The following SAFB variants were observed in gnomAD, a reference collection of about 807,000 sequenced individuals.
SAFB encodes scaffold attachment factor B, also known as scaffold attachment factor B1.
SAFB carries 15 observed loss-of-function variants against 101.6 expected under a neutral mutation model. The observed-to-expected ratio is 0.15, with a 90% CI of 0.10 to 0.23. The LOEUF is 0.23. Among genes scored for constraint, SAFB ranks in the 10% least tolerant of loss-of-function variants. SAFB has a pLI of 1.00. For synonymous variants in SAFB, 449 were observed against 407.5 expected, an observed-to-expected ratio of 1.10 and a Z score of -1.23; for missense variants, 930 against 1,104.1, an observed-to-expected ratio of 0.84 and a Z score of 2.23.
rs1371092216 is a variant in SAFB, at chr19:5,668,233, T to G, written c.2696T>G (p.Phe899Cys). 3 of 1,610,672 alleles carry G rather than the reference T, an allele frequency of 1.9e-6. No homozygotes were observed. Among genetic ancestry groups the G allele is most frequent in the Non-Finnish European group, 2.5e-6 (3 of 1,179,198 alleles). Residue 899 changes from phenylalanine (F) to cysteine (C), a missense_variant, in exon 21 of 21, where the codon TTT (phenylalanine) becomes TGT (cysteine). Transcript: ENST00000588852. ...CCACACGGTGGCATGCAGGGCGGGT[T>G]TGGAGGCCAGAGCCGGGGGAGCAGG... ...PIPHGGMQGGFGGQSRGSRPS... is the reference protein window; with the variant it reads ...PIPHGGMQGGCGGQSRGSRPS...
At chr19:5,664,231 T>A in intron 16 of SAFB, 72 bp downstream of exon 16, 1 of 1,548,226 alleles carries the variant, frequency 6.5e-7, no homozygotes, top group Non-Finnish European at 8.9e-7. Context: ...CAAGGACTCC[T>A]GGGCTCTCTG....
chr19:5,656,954 G>A (rs1254687062), intron 13 of SAFB, among the ~76,000 whole-genome samples: 1 of 151,860 alleles, frequency 6.6e-6, no homozygotes, highest in African/African-American at 2.4e-5. Flanking sequence ...TGTATTTTTA[G>A]TAGAGACGGG....
In SAFB at chr19:5,654,070, C is replaced by A. The variant is rs763423017; in HGVS notation, c.1536C>A (p.Asn512Lys). The change falls in exon 12 of 21, where the codon AAC becomes AAA. Residue 512 changes from asparagine to lysine, a missense_variant. By Grantham distance (94) the Asn-to-Lys change is moderately conservative (BLOSUM62 0). Around this residue, in one of 7 missense-constraint regions of SAFB, gnomAD observed 92 missense variants for 83.8 expected, o/e 1.10. Transcript: ENST00000588852. ...EKSSNSDRSTNLKRDDKCDRK... is the reference protein window; with the variant it reads ...EKSSNSDRSTKLKRDDKCDRK... ...TGTCTGTTTTTTATAGATCTACAAA[C>A]CTTAAGAGGGATGATAAATGTGACA... The A allele has an allele frequency of 6.2e-7, 1 of 1,614,036 alleles. No homozygotes were observed. The highest frequency in any genetic ancestry group is 1.7e-5 in the Admixed American group (1 of 60,006).
rs999013487 is a variant in SAFB, at chr19:5,667,354, C to T, written c.2461C>T (p.Arg821Cys). Residue 821 changes from arginine (R) to cysteine (C), a missense_variant, in exon 19 of 21, where the codon CGT becomes TGT. Physicochemically the swap from Arg to Cys is radical, Grantham distance 180. Transcript: ENST00000588852. The surrounding 1 kb of genome is among the most constrained non-coding windows in gnomAD (Gnocchi z 4.0). ...RGLPPPPRGR[R>C]DWGDHGRRED... ...AGATGTCTCTCTTTCAAGGGGCAGA[C>T]GTGACTGGGGGGACCATGGCCGAAG... The T allele has an allele frequency of 3.3e-6, 5 of 1,496,686 alleles. No individual in the cohort carries two copies. Among genetic ancestry groups the T allele is most frequent in the Admixed American group, 2.8e-5 (1 of 36,152 alleles). The allele number at this position is 1,496,686 out of a possible 1,614,324, so 92.7% of individuals were successfully genotyped here.
chr19:5,634,813 A>T (rs369904079), intron 2 of SAFB, among the ~76,000 whole-genome samples: 2 of 152,138 alleles, frequency 1.3e-5, no homozygotes, highest in African/African-American at 2.4e-5. Context: ...TTGAAATGAC[A>T]TAAGATTTTT....
chr19:5,658,969 A>AC (rs2054131969), intron 14 of SAFB, among the ~76,000 whole-genome samples: 1 of 151,930 alleles, frequency 6.6e-6, no homozygotes, highest in Non-Finnish European at 1.5e-5. Context: ...ACGTGGTGAA[A>AC]CCCCATCTCT....
At chr19:5,634,044 T>A (rs1158233593) in intron 2 of SAFB, among the ~76,000 whole-genome samples, 2 of 152,258 alleles carry the variant, frequency 1.3e-5, no homozygotes, top group Admixed American at 1.3e-4. Context: ...GACAGTTATA[T>A]CATTAGTGAA....
Position 5,661,822 on chromosome 19 carries a change from T to A in SAFB, c.2153+14T>A. 1 of 1,519,310 alleles carries A rather than the reference T, an allele frequency of 6.6e-7. No homozygotes were observed. The highest frequency in any genetic ancestry group is 8.9e-7 in the Non-Finnish European group (1 of 1,129,396). The allele number at this position is 1,519,310 out of a possible 1,614,324, so 94.1% of individuals were successfully genotyped here. ...CGACCTGGACCGGTAAGCAGATCCATGCTGCCCTTAGCACGTGGCGTTCAG... is the reference window on the plus strand; with the variant it reads ...CGACCTGGACCGGTAAGCAGATCCAAGCTGCCCTTAGCACGTGGCGTTCAG... On this transcript the variant is annotated intron_variant, in intron 15 of 20. Transcript: ENST00000588852.
chr19:5,667,415 G>A lies in SAFB; in HGVS notation c.2522G>A (p.Gly841Glu), dbSNP rs779789203. 4.1e-5 allele frequency: 62 copies of A among 1,518,124 alleles called. No individual in the cohort carries two copies. Among genetic ancestry groups the A allele is most frequent in the Non-Finnish European group, 5.2e-5 (59 of 1,138,656 alleles). 94.0% of individuals were successfully genotyped at this position (1,518,124 alleles called of 1,614,324 possible). A position where few individuals can be genotyped will look rare whatever the true frequency, so the allele number is the denominator to read the frequency against. Residue 841 changes from glycine to glutamate, a missense_variant, in exon 19 of 21, where the codon GGG becomes GAG. This residue lies in a region of SAFB where 318 missense variants were observed against 342.6 expected (regional missense o/e 0.93). Coordinates refer to ENST00000588852, the MANE Select transcript of SAFB (RefSeq NM_001201338.2). The surrounding 1 kb of genome is among the most constrained non-coding windows in gnomAD (Gnocchi z 4.0). ...DDRSWQGTAD[G>E]GMMDRDHKRW... Reference sequence around the variant, plus strand: ...CGGTCATGGCAGGGCACGGCCGACGGGGGCATGATGGACAGGGATCACAAG... The same window carrying A: ...CGGTCATGGCAGGGCACGGCCGACGAGGGCATGATGGACAGGGATCACAAG...
At chr19:5,623,421 A>G (rs2145377139) in intron 1 of SAFB, 27 bp downstream of exon 1, 2 of 1,606,404 alleles carry the variant, frequency 1.2e-6, no homozygotes, top group Non-Finnish European at 1.7e-6. Flanking sequence ...GAGGGCGGGC[A>G]CAGGGTGGGT....
intron 2 of SAFB, among the ~76,000 whole-genome samples, chr19:5,626,862 A>G (rs1215586765): frequency 1.3e-5 from 2 of 151,402 alleles, no homozygotes; most frequent in Non-Finnish European, 2.9e-5. Context: ...CCTGGGCAAC[A>G]TAGCAAAACC....
intron 8 of SAFB, 70 bp from the exon 9 acceptor site, chr19:5,650,908 G>A: frequency 1.0e-6 from 1 of 1,002,364 alleles, no homozygotes; most frequent in Non-Finnish European, 1.5e-6. Context: ...GTCTCTTTTG[G>A]AAAGGTTGTC....
At chr19:5,636,035 T>G (rs2053588088) in intron 2 of SAFB, among the ~76,000 whole-genome samples, 1 of 152,084 alleles carries the variant, frequency 6.6e-6, no homozygotes, top group South Asian at 2.1e-4. Flanking sequence ...CGTTGAAGAT[T>G]AAACATTTTG....
At chr19:5,664,490 C>A (rs375754942) in intron 17 of SAFB, 51 bp downstream of exon 17, 2 of 1,422,694 alleles carry the variant, frequency 1.4e-6, no homozygotes, top group African/African-American at 1.4e-5. Context: ...AGAATGGGTT[C>A]TTTTCCCTTC....
intron 20 of SAFB, 86 bp from the exon 21 acceptor site, chr19:5,668,076 G>C (rs2054377068): frequency 6.5e-7 from 1 of 1,541,828 alleles, no homozygotes; most frequent in Non-Finnish European, 8.7e-7. Flanking sequence ...CCTGCCTGCA[G>C]GCAACACTCA....
Position 5,627,333 on chromosome 19 carries a change from C to T in SAFB, c.274+844C>T, listed in dbSNP as rs1175345363. 3.3e-5 allele frequency among the ~76,000 whole-genome samples: 5 copies of T among 151,808 alleles called. 1 individual carries two copies. The highest frequency in any genetic ancestry group is 6.8e-3 in the Middle Eastern group (2 of 294). ...CCAAAAAAAAAAAGTACCTAGGCGT[C>T]GAGGCACGCCTGTTTTCCTAGCTAC... On this transcript the variant is annotated intron_variant, in intron 2 of 20. Transcript: ENST00000588852.
At chr19:5,636,692 A>G (rs919851563) in intron 2 of SAFB, among the ~76,000 whole-genome samples, 1 of 152,002 alleles carries the variant, frequency 6.6e-6, no homozygotes, top group Non-Finnish European at 1.5e-5. Context: ...AATAGTTTCC[A>G]GTATAGACAA....
At chr19:5,633,614 C>T (rs2053534740) in intron 2 of SAFB, among the ~76,000 whole-genome samples, 1 of 152,052 alleles carries the variant, frequency 6.6e-6, no homozygotes, top group Non-Finnish European at 1.5e-5. Flanking sequence ...CCCATCTCTA[C>T]TAAAAATACA....
chr19:5,653,015 CG>C, intron 9 of SAFB, 99 bp from the exon 10 acceptor site: 1 of 1,200,208 alleles, frequency 8.3e-7, no homozygotes, highest in Non-Finnish European at 1.2e-6. Flanking sequence ...TAACACTTGT[CG>C]GACCCCTGAT....
Sources: allele counts gnomAD v4.1 joint callset (sites outside exome capture counted in the v4.1 genomes callset), GRCh38; gene constraint gnomAD v4.1.1; regional missense constraint gnomAD v4.1.1; non-coding constraint Gnocchi (gnomAD v3.1); transcripts MANE v1.5; gene names NCBI Gene and HGNC (gene_info 2026-07-23, HGNC 2026-07-21).